SLC44A5: variants seen among roughly 807,000 people sequenced by gnomAD.
SLC44A5 encodes the protein solute carrier family 44 member 5.
SLC44A5 carries 57 observed loss-of-function variants against 101.8 expected under a neutral mutation model. The ratio of observed to expected loss-of-function variants is 0.56; its 90% CI spans 0.45 to 0.70. SLC44A5 has a LOEUF of 0.70. Among genes scored for constraint, SLC44A5 ranks in the 30% least tolerant of loss-of-function variants. The pLI is 0.00. For synonymous variants in SLC44A5, 281 were observed against 290.9 expected, an observed-to-expected ratio of 0.97 and a Z score of 0.35; for missense variants, 737 against 853.1, an observed-to-expected ratio of 0.86 and a Z score of 1.70.
At chr1:75,411,132 G>A (rs1200771760) in intron 2 of SLC44A5, among the ~76,000 whole-genome samples, 3 of 152,126 alleles carry the variant, frequency 2.0e-5, no homozygotes, top group Admixed American at 6.6e-5. Flanking sequence ...GTCGATGTCC[G>A]AGTTTTATCT....
the SLC44A5 span, among the ~76,000 whole-genome samples, chr1:75,659,206 A>G: frequency 6.6e-5 from 10 of 151,580 alleles, no homozygotes; most frequent in African/African-American, 2.4e-4. Context: ...AAAGAAAACT[A>G]ATATTGATTC....
chr1:75,412,820 A>C (rs552303791), intron 2 of SLC44A5, among the ~76,000 whole-genome samples: 6 of 152,250 alleles, frequency 3.9e-5, no homozygotes, highest in African/African-American at 1.4e-4. Context: ...CATGCTATCT[A>C]TGCAACCCAC....
intron 2 of SLC44A5, among the ~76,000 whole-genome samples, chr1:75,457,347 A>C (rs1285538583): frequency 1.3e-5 from 2 of 152,198 alleles, no homozygotes; most frequent in Non-Finnish European, 2.9e-5. Context: ...AGATGCTTTA[A>C]AAAAACAGAA....
At chr1:75,373,958 G>C (rs771905666) in intron 3 of SLC44A5, among the ~76,000 whole-genome samples, 1 of 152,198 alleles carries the variant, frequency 6.6e-6, no homozygotes, top group Admixed American at 6.5e-5. Context: ...CACTGAGGGA[G>C]TGTGGCCTGT....
At chr1:75,387,442 CA>C (rs1158766734) in intron 3 of SLC44A5, among the ~76,000 whole-genome samples, 2 of 97,238 alleles carry the variant, frequency 2.1e-5, no homozygotes, top group Non-Finnish European at 4.1e-5. Context: ...TTTATGCAGC[CA>C]AAAAACACAT....
chr1:75,589,760 G>C (rs917012486), intron 1 of SLC44A5, among the ~76,000 whole-genome samples: 1 of 152,146 alleles, frequency 6.6e-6, no homozygotes, highest in African/African-American at 2.4e-5. Flanking sequence ...CTCGGGGAGA[G>C]AGAACACAGC....
At chr1:75,628,545 G>T in the SLC44A5 span, among the ~76,000 whole-genome samples, 36 of 152,146 alleles carry the variant, frequency 2.4e-4, 1 homozygote, top group South Asian at 4.2e-3. Context: ...AGAGTTTAAG[G>T]TTTCGATATT....
the SLC44A5 span, among the ~76,000 whole-genome samples, chr1:75,682,282 A>C: frequency 6.6e-6 from 1 of 152,178 alleles, no homozygotes; most frequent in Non-Finnish European, 1.5e-5. Context: ...ACCAAAAAAG[A>C]GCCCGCATTG....
chr1:75,243,509 T>C (rs1648837647), intron 7 of SLC44A5, among the ~76,000 whole-genome samples: 1 of 152,094 alleles, frequency 6.6e-6, no homozygotes, highest in Non-Finnish European at 1.5e-5. Flanking sequence ...TTCTTTGCTC[T>C]TTGATATTGA....
At chr1:75,594,782 T>A (rs939340493) in intron 1 of SLC44A5, among the ~76,000 whole-genome samples, 2 of 151,894 alleles carry the variant, frequency 1.3e-5, no homozygotes, top group African/African-American at 4.8e-5. Flanking sequence ...TACCTTTTTT[T>A]TTTATCATTT....
intron 3 of SLC44A5, among the ~76,000 whole-genome samples, chr1:75,363,777 C>T (rs1371864895): frequency 6.6e-6 from 1 of 152,094 alleles, no homozygotes; most frequent in Non-Finnish European, 1.5e-5. Context: ...TTTGTACTTT[C>T]ATGTGTTTTA....
At chr1:75,339,698 A>T in intron 3 of SLC44A5, 68 bp from the exon 4 acceptor site, 1 of 1,388,188 alleles carries the variant, frequency 7.2e-7, no homozygotes, top group Non-Finnish European at 1.0e-6. Flanking sequence ...ATATTAATGA[A>T]GAAATATCTA....
chr1:75,565,397 A>T (rs1392516604), intron 1 of SLC44A5, among the ~76,000 whole-genome samples: 1 of 152,242 alleles, frequency 6.6e-6, no homozygotes, highest in Admixed American at 6.5e-5. Context: ...CTAGCCTCAC[A>T]AAACTGCCAC....
intron 2 of SLC44A5, among the ~76,000 whole-genome samples, chr1:75,412,958 A>C (rs1281395698): frequency 1.3e-5 from 2 of 152,166 alleles, no homozygotes; most frequent in Non-Finnish European, 2.9e-5. Context: ...ATAGTAGCCT[A>C]ATGCTACATC....
Position 75,349,301 on chromosome 1 carries a change from T to C in SLC44A5, c.53-9671A>G, listed in dbSNP as rs113392519. Among the ~76,000 whole-genome samples, 487 of 152,208 alleles carry C rather than the reference T, an allele frequency of 3.2e-3. 3 individuals are homozygous for C. The highest frequency in any genetic ancestry group is 4.4e-3 in the Non-Finnish European group (296 of 68,026). ...TTGCAGTAAGCTGAGATTGTGCCACTGCACTCCAGCCTGGGAAACAGAGCG... is the reference window on the plus strand; with the variant it reads ...TTGCAGTAAGCTGAGATTGTGCCACCGCACTCCAGCCTGGGAAACAGAGCG... On this transcript the variant is annotated intron_variant, in intron 3 of 23. Coordinates refer to ENST00000370859, the MANE Select transcript of SLC44A5 (RefSeq NM_001130058.2).
rs1450292897 is a variant in SLC44A5 at position 75,202,666 on chromosome 1, A to G, written c.*1061T>C. On this transcript the variant is annotated 3_prime_UTR_variant, in exon 24 of 24. Coordinates refer to ENST00000370859, the MANE Select transcript of SLC44A5 (RefSeq NM_001130058.2). The stretch of plus-strand genomic sequence containing the variant: ...ATAGAACAGGCTTTGATGAAAATAA[A>G]TGATCATTTAAAAGGGAGCTATTCA... 1 of 152,194 alleles carries G rather than the reference A, an allele frequency of 6.6e-6. No homozygotes were observed. Among genetic ancestry groups the G allele is most frequent in the Non-Finnish European group, 1.5e-5 (1 of 68,024 alleles). 9.4% of individuals were successfully genotyped at this position (152,194 alleles called of 1,614,324 possible). A position where few individuals can be genotyped will look rare whatever the true frequency, so the allele number is the denominator to read the frequency against.
chr1:75,256,025 C>T (rs1377005623), intron 6 of SLC44A5, among the ~76,000 whole-genome samples: 2 of 152,066 alleles, frequency 1.3e-5, no homozygotes, highest in Non-Finnish European at 2.9e-5. Flanking sequence ...GAATATTCTC[C>T]ATGAAAACAG....
intron 6 of SLC44A5, among the ~76,000 whole-genome samples, chr1:75,268,788 C>A (rs1269424703): frequency 1.3e-5 from 2 of 152,070 alleles, no homozygotes; most frequent in East Asian, 3.9e-4. Flanking sequence ...CATTTCCTTG[C>A]CAATAAATAT....
At chr1:75,686,247 G>T in the SLC44A5 span, among the ~76,000 whole-genome samples, 1 of 152,208 alleles carries the variant, frequency 6.6e-6, no homozygotes, top group Admixed American at 6.5e-5. Flanking sequence ...GCACACGTGT[G>T]TGTATATGAA....
Sources: allele counts gnomAD v4.1 joint callset (sites outside exome capture counted in the v4.1 genomes callset), GRCh38; gene constraint gnomAD v4.1.1; transcripts MANE v1.5; gene names NCBI Gene and HGNC (gene_info 2026-07-23, HGNC 2026-07-21).